The following HDAC9 variants were observed in gnomAD, a reference collection of about 807,000 sequenced individuals.
HDAC9 encodes histone deacetylase 9, also known as MEF-2 interacting transcription repressor (MITR) protein.
Under a neutral mutation model 139.4 loss-of-function variants are expected in HDAC9, and 41 were observed. That is an observed-to-expected ratio of 0.29 (90% CI 0.23 to 0.38). The LOEUF (loss-of-function observed/expected upper bound fraction) is 0.38, where lower values mean the gene tolerates loss of function less well. Ranked by LOEUF, HDAC9 falls within the 10% of genes least tolerant of loss-of-function variation. HDAC9 has a pLI of 1.00. For missense variants in HDAC9, 1,147 were observed against 1,297.0 expected, an observed-to-expected ratio of 0.88 and a Z score of 1.78; for synonymous variants, 517 against 476.2, an observed-to-expected ratio of 1.09 and a Z score of -1.12.
chr7:18,426,193 A>G (rs957059301), intron 1 of HDAC9, among the ~76,000 whole-genome samples: 5 of 152,198 alleles, frequency 3.3e-5, no homozygotes, highest in African/African-American at 1.2e-4. Context: ...ATATATATCA[A>G]GAGCTTTAGG....
intron 2 of HDAC9, among the ~76,000 whole-genome samples, chr7:18,243,130 C>G (rs1794299212): frequency 6.6e-6 from 1 of 152,158 alleles, no homozygotes; most frequent in African/African-American, 2.4e-5. Context: ...TTCACATAGT[C>G]ATTCTTTTTC....
rs566458505 is a variant in HDAC9, at chr7:18,778,707, T to C, written c.2214+11552T>C. Among the ~76,000 whole-genome samples the C allele has an allele frequency of 5.3e-5, 8 of 152,164 alleles. No individual in the cohort carries two copies. The South Asian group carries it at 1.7e-3, about 32-fold the overall frequency. On this transcript the variant is annotated intron_variant, in intron 16 of 25. Coordinates refer to ENST00000686413, the MANE Select transcript of HDAC9 (RefSeq NM_178425.4). ...TAACCCACAGGAATCCATATATTAC[T>C]TGGTAAATCTATGAGTCCCCCGGAT...
chr7:18,822,670 G>A (rs1795076215), intron 17 of HDAC9, among the ~76,000 whole-genome samples: 1 of 152,078 alleles, frequency 6.6e-6, no homozygotes, highest in African/African-American at 2.4e-5. Context: ...TCTTTTTTAT[G>A]TCATAGGTGA....
At chr7:18,206,004 T>C (rs921471704) in intron 2 of HDAC9, among the ~76,000 whole-genome samples, 8 of 152,104 alleles carry the variant, frequency 5.3e-5, no homozygotes, top group African/African-American at 1.9e-4. Context: ...AGAAATTTCA[T>C]TGAGATTTTT....
chr7:18,297,117 C>T (rs964534463), intron 1 of HDAC9, among the ~76,000 whole-genome samples: 3 of 152,022 alleles, frequency 2.0e-5, no homozygotes, highest in Non-Finnish European at 4.4e-5. Context: ...CGTGTAGGTA[C>T]GAGTTGAAGC....
intron 22 of HDAC9, among the ~76,000 whole-genome samples, chr7:18,898,852 A>G (rs957472407): frequency 2.0e-5 from 3 of 151,958 alleles, no homozygotes; most frequent in African/African-American, 2.4e-5. Context: ...CAGAGGTCCA[A>G]TATTTTGAGG....
intron 1 of HDAC9, among the ~76,000 whole-genome samples, chr7:18,142,025 C>A (rs564401635): frequency 1.3e-5 from 2 of 152,166 alleles, no homozygotes; most frequent in East Asian, 3.9e-4. Flanking sequence ...TGACCCTAGT[C>A]CTTTATTGTG....
chr7:18,990,311 G>A (rs1158060294), intron 25 of HDAC9, among the ~76,000 whole-genome samples: 1 of 152,096 alleles, frequency 6.6e-6, no homozygotes, highest in East Asian at 1.9e-4. Flanking sequence ...CTGGCCATGT[G>A]AGGTGTCAGT....
intron 21 of HDAC9, among the ~76,000 whole-genome samples, chr7:18,857,059 C>A (rs1280089487): frequency 9.9e-5 from 15 of 152,122 alleles, no homozygotes; most frequent in Non-Finnish European, 1.5e-5. Flanking sequence ...TCTTCACTCC[C>A]ATATATGTCA....
intron 22 of HDAC9, among the ~76,000 whole-genome samples, chr7:18,884,299 A>G (rs557792306): frequency 1.1e-4 from 17 of 152,220 alleles, no homozygotes; most frequent in Admixed American, 2.6e-4. Context: ...GTTAACAGCT[A>G]CTGTGAAACT....
intron 1 of HDAC9, among the ~76,000 whole-genome samples, chr7:18,434,447 T>C (rs1430532666): frequency 1.3e-5 from 2 of 152,166 alleles, no homozygotes; most frequent in Non-Finnish European, 2.9e-5. Context: ...CAAAAGACAG[T>C]ATCGACAGAA....
intron 3 of HDAC9, among the ~76,000 whole-genome samples, chr7:18,587,109 T>G (rs994143243): frequency 6.6e-6 from 1 of 152,190 alleles, no homozygotes; most frequent in Admixed American, 6.5e-5. Context: ...AGTTACTGCT[T>G]TAGATACTTC....
intron 25 of HDAC9, among the ~76,000 whole-genome samples, chr7:18,979,227 C>T (rs1784742362): frequency 6.6e-6 from 1 of 152,050 alleles, no homozygotes; most frequent in African/African-American, 2.4e-5. Context: ...TAATAATCAG[C>T]TAAATCCAAG....
chr7:18,368,927 T>C (rs1029047576), intron 1 of HDAC9, among the ~76,000 whole-genome samples: 3 of 152,226 alleles, frequency 2.0e-5, no homozygotes, highest in African/African-American at 4.8e-5. Flanking sequence ...AATATCTAGA[T>C]AGTGATTGTA....
Position 18,112,677 on chromosome 7 carries a change from A to G in HDAC9, c.-97+25464A>G, listed in dbSNP as rs144950070. 8.3e-3 allele frequency among the ~76,000 whole-genome samples: 1,259 copies of G among 152,340 alleles called. 14 individuals are homozygous for G. The highest frequency in any genetic ancestry group is 0.029 in the African/African-American group (1,187 of 41,584). Reference sequence around the variant, plus strand: ...TTATATGTTTTATTATTATTTGTCAATTGTGTGCTGTATCTCCTTTATTTT... The same window carrying G: ...TTATATGTTTTATTATTATTTGTCAGTTGTGTGCTGTATCTCCTTTATTTT... On this transcript the variant is annotated intron_variant, in intron 1 of 12. Coordinates refer to the HDAC9 transcript ENST00000417496.
At chr7:18,129,823 G>A (rs1466332228) in intron 1 of HDAC9, among the ~76,000 whole-genome samples, 1 of 152,142 alleles carries the variant, frequency 6.6e-6, no homozygotes, top group Admixed American at 6.6e-5. Context: ...AATAAAATAA[G>A]TAAACACAAA....
At chr7:18,156,131 A>C (rs1381116163) in intron 1 of HDAC9, among the ~76,000 whole-genome samples, 1 of 152,184 alleles carries the variant, frequency 6.6e-6, no homozygotes, top group Non-Finnish European at 1.5e-5. Flanking sequence ...GTCTTCATGA[A>C]TAAGTGGTTT....
intron 2 of HDAC9, among the ~76,000 whole-genome samples, chr7:18,497,954 A>C (rs1045759833): frequency 6.6e-6 from 1 of 152,028 alleles, no homozygotes; most frequent in African/African-American, 2.4e-5. Flanking sequence ...CACCCATTTC[A>C]GTAGAGATTG....
intron 25 of HDAC9, among the ~76,000 whole-genome samples, chr7:18,980,794 T>G (rs1216836637): frequency 6.6e-6 from 1 of 150,856 alleles, no homozygotes; most frequent in Non-Finnish European, 1.5e-5. Context: ...TTCTTCTTCC[T>G]TCTTCCTTCT....
Sources: gnomAD v4.1 joint callset for allele counts (sites outside exome capture counted in the v4.1 genomes callset) on GRCh38, gnomAD v4.1.1 for gene constraint, MANE v1.5 for transcripts, NCBI Gene and HGNC (gene_info 2026-07-23, HGNC 2026-07-21) for gene names.